Variants in GREB1L observed in about 807,000 individuals in gnomAD.
The protein encoded by GREB1L is GREB1-like protein.
In GREB1L, 17 loss-of-function variants were observed where a neutral mutation model predicts 200.8. The observed-to-expected ratio is 0.08, with a 90% CI of 0.06 to 0.13. GREB1L has a LOEUF of 0.13. Ranked by LOEUF, GREB1L falls within the 10% of genes least tolerant of loss-of-function variation. The pLI, the probability that GREB1L is intolerant of heterozygous loss-of-function variation, is 1.00. For missense variants in GREB1L, 1,657 were observed against 2,367.7 expected, an observed-to-expected ratio of 0.70 and a Z score of 6.23; for synonymous variants, 789 against 893.0, an observed-to-expected ratio of 0.88 and a Z score of 2.08.
Position 21,451,009 on chromosome 18 carries a change from C to T in GREB1L, c.1721-14C>T. The T allele has an allele frequency of 6.4e-7, 1 of 1,551,408 alleles. No individual in the cohort carries two copies. The highest frequency in any genetic ancestry group is 8.7e-7 in the Non-Finnish European group (1 of 1,146,736). ...TCTGTTGATGAGTCTTCTCTTCTCTCCTCCATCCTGCAGGTCAGCACCAGT... is the reference window on the plus strand; with the variant it reads ...TCTGTTGATGAGTCTTCTCTTCTCTTCTCCATCCTGCAGGTCAGCACCAGT... On this transcript the variant is annotated splice_polypyrimidine_tract_variant and intron_variant, in intron 12 of 32. Coordinates refer to ENST00000424526, the MANE Select transcript of GREB1L (RefSeq NM_001142966.3).
chr18:21,384,294 A>G lies in GREB1L; in HGVS notation c.246A>G (p.Thr82=), dbSNP rs1360970893. 12 of 1,550,892 alleles carry G rather than the reference A, an allele frequency of 7.7e-6. No individual in the cohort carries two copies. Among genetic ancestry groups the G allele is most frequent in the Middle Eastern group, 3.3e-4 (2 of 5,990 alleles). ...GTCTGGATTTTTCTAACAATCTAAC[A>G]GTTAATGAAATGGAAGATGATGAAG... The part of the protein sequence containing the change: ...NGSLDFSNNL[T]VNEMEDDEDD... Residue 82 remains threonine (T), a synonymous_variant, in exon 4 of 33, where the codon ACA becomes ACG. Transcript: ENST00000424526.
At chr18:21,357,930 C>T (rs1467529091) in intron 1 of GREB1L, among the ~76,000 whole-genome samples, 3 of 152,066 alleles carry the variant, frequency 2.0e-5, no homozygotes, top group African/African-American at 7.2e-5. Flanking sequence ...CTCAAGATTG[C>T]TTTGGCTATT....
chr18:21,392,894 CCT>C (rs2040883737), intron 4 of GREB1L, among the ~76,000 whole-genome samples: 1 of 152,024 alleles, frequency 6.6e-6, no homozygotes, highest in Non-Finnish European at 1.5e-5. Context: ...ATCTTAACCT[CCT>C]AGGTAGCTGG....
chr18:21,449,977 T>G (rs1469648865), intron 12 of GREB1L, 141 bp downstream of exon 12: 3 of 708,174 alleles, frequency 4.2e-6, no homozygotes, highest in African/African-American at 1.8e-5. Context: ...CCTCCTAATT[T>G]TAACTTTCCC....
At chr18:21,339,311 A>G (rs1230400898) in intron 1 of GREB1L, among the ~76,000 whole-genome samples, 4 of 152,202 alleles carry the variant, frequency 2.6e-5, no homozygotes, top group African/African-American at 9.7e-5. Context: ...TGTTTCTTCT[A>G]TTCTAAGGCA....
intron 4 of GREB1L, among the ~76,000 whole-genome samples, chr18:21,393,552 T>G (rs2040916631): frequency 6.6e-6 from 1 of 152,180 alleles, no homozygotes; most frequent in Non-Finnish European, 1.5e-5. Context: ...CTGGGCTCAC[T>G]GCAAGCTCCG....
intron 1 of GREB1L, among the ~76,000 whole-genome samples, chr18:21,290,946 C>A (rs946367572): frequency 6.6e-6 from 1 of 151,772 alleles, no homozygotes; most frequent in African/African-American, 2.4e-5. Context: ...GTTTATATAA[C>A]GAGACTTCCC....
chr18:21,468,847 G>A, intron 15 of GREB1L: 1 of 437,630 alleles, frequency 2.3e-6, no homozygotes, highest in Non-Finnish European at 4.6e-6. Flanking sequence ...CAATTGTTTT[G>A]TGTAGGGAAT....
At chr18:21,339,398 A>G (rs1056491901) in intron 1 of GREB1L, among the ~76,000 whole-genome samples, 2 of 152,204 alleles carry the variant, frequency 1.3e-5, no homozygotes, top group Non-Finnish European at 2.9e-5. Context: ...ATCATGTTTA[A>G]CCAACATAGC....
intron 2 of GREB1L, among the ~76,000 whole-genome samples, chr18:21,371,569 T>G (rs1351374343): frequency 6.6e-6 from 1 of 151,472 alleles, no homozygotes; most frequent in Admixed American, 6.6e-5. Context: ...GGGCGGATCA[T>G]GAGATCAGGA....
At chr18:21,390,646 C>T (rs925249656) in intron 4 of GREB1L, among the ~76,000 whole-genome samples, 3 of 152,170 alleles carry the variant, frequency 2.0e-5, no homozygotes, top group Admixed American at 1.3e-4. Flanking sequence ...AAGTGATTCT[C>T]CTGCCTCCAC....
intron 19 of GREB1L, among the ~76,000 whole-genome samples, chr18:21,494,728 G>A (rs1443706436): frequency 6.6e-6 from 1 of 152,124 alleles, no homozygotes; most frequent in Non-Finnish European, 1.5e-5. Flanking sequence ...TGCTAGAAAG[G>A]TAGTAAAAAG....
intron 23 of GREB1L, among the ~76,000 whole-genome samples, chr18:21,501,070 A>G (rs1406489031): frequency 6.7e-6 from 1 of 150,016 alleles, no homozygotes; most frequent in Non-Finnish European, 1.5e-5. Context: ...TTGTCTCAAA[A>G]AAAAAAAAAA....
At chr18:21,423,436 T>A (rs1057262530) in intron 7 of GREB1L, among the ~76,000 whole-genome samples, 2 of 152,182 alleles carry the variant, frequency 1.3e-5, no homozygotes, top group African/African-American at 2.4e-5. Context: ...TGAGAAATAA[T>A]CCTTGGAAGC....
intron 16 of GREB1L, among the ~76,000 whole-genome samples, chr18:21,474,678 C>A (rs2035615486): frequency 6.6e-6 from 1 of 152,152 alleles, no homozygotes; most frequent in Non-Finnish European, 1.5e-5. Flanking sequence ...CTGCACACAG[C>A]ACAGGGCCCA....
intron 1 of GREB1L, among the ~76,000 whole-genome samples, chr18:21,254,336 C>T (rs2037767128): frequency 6.6e-6 from 1 of 152,080 alleles, no homozygotes. Context: ...TCCCAAAATG[C>T]TGGATTACAC....
At chr18:21,330,689 A>C (rs1208785677) in intron 1 of GREB1L, among the ~76,000 whole-genome samples, 1 of 152,160 alleles carries the variant, frequency 6.6e-6, no homozygotes, top group Non-Finnish European at 1.5e-5. Context: ...GAACACACAG[A>C]CATACCTAAG....
rs1211891294 is a variant in GREB1L, at chr18:21,524,396, A to G, written c.*1575A>G. On this transcript the variant is annotated 3_prime_UTR_variant, in exon 33 of 33. Coordinates refer to ENST00000424526, the MANE Select transcript of GREB1L (RefSeq NM_001142966.3). ...GAAGTGAACAATTCCTTTTAACCCC[A>G]TTTTTAATTGTCCTTCAAAGAGGAC... 1 of 152,154 alleles carries G rather than the reference A, an allele frequency of 6.6e-6. No homozygotes were observed. The highest frequency in any genetic ancestry group is 2.4e-5 in the African/African-American group (1 of 41,434). The allele number at this position is 152,154 out of a possible 1,614,324, so 9.4% of individuals were successfully genotyped here.
chr18:21,418,513 AT>A (rs1442945980), intron 7 of GREB1L, among the ~76,000 whole-genome samples: 14 of 151,780 alleles, frequency 9.2e-5, no homozygotes, highest in Admixed American at 3.9e-4. Context: ...TTTTAAAAAA[AT>A]ATTTTTGTTT....
Sources: gnomAD v4.1 joint callset for allele counts (sites outside exome capture counted in the v4.1 genomes callset) on GRCh38, gnomAD v4.1.1 for gene constraint, MANE v1.5 for transcripts, NCBI Gene and HGNC (gene_info 2026-07-23, HGNC 2026-07-21) for gene names.